The following SLC24A2 variants were observed in gnomAD, a reference collection of about 807,000 sequenced individuals.
SLC24A2 encodes the protein sodium/potassium/calcium exchanger 2.
Under a neutral mutation model 62.0 loss-of-function variants are expected in SLC24A2, and 36 were observed. The observed-to-expected ratio is 0.58, with a 90% CI of 0.44 to 0.77. The LOEUF (loss-of-function observed/expected upper bound fraction) is 0.77, where lower values mean the gene tolerates loss of function less well. SLC24A2 is among the 30% of genes least tolerant of loss of function. The pLI is 0.00. For synonymous variants in SLC24A2, 358 were observed against 294.0 expected, an observed-to-expected ratio of 1.22 and a Z score of -2.23; for missense variants, 846 against 817.9, an observed-to-expected ratio of 1.03 and a Z score of -0.42.
intron 2 of SLC24A2, among the ~76,000 whole-genome samples, chr9:19,764,754 C>G (rs574982088): frequency 1.6e-4 from 25 of 152,204 alleles, no homozygotes; most frequent in Admixed American, 4.6e-4. Context: ...CTATGTGGTG[C>G]AGAGAAGAAT....
At chr9:19,732,124 C>T (rs1412734601) in intron 2 of SLC24A2, among the ~76,000 whole-genome samples, 1 of 149,380 alleles carries the variant, frequency 6.7e-6, no homozygotes, top group Non-Finnish European at 1.5e-5. Flanking sequence ...AAAAAAAAAA[C>T]TCTTCCTGGT....
the SLC24A2 span, among the ~76,000 whole-genome samples, chr9:20,285,053 CA>C: frequency 6.6e-6 from 1 of 152,054 alleles, no homozygotes; most frequent in Admixed American, 6.6e-5. Context: ...ACCAGCAGGC[CA>C]AAATGACGCA....
At chr9:20,274,833 G>A in the SLC24A2 span, among the ~76,000 whole-genome samples, 799 of 152,026 alleles carry the variant, frequency 5.3e-3, 7 homozygotes, top group African/African-American at 0.018. Flanking sequence ...TCTCTGCACT[G>A]TGGGATGAGC....
chr9:19,541,791 G>C (rs1470748637), intron 8 of SLC24A2, among the ~76,000 whole-genome samples: 5 of 148,470 alleles, frequency 3.4e-5, no homozygotes, highest in Non-Finnish European at 7.5e-5. Flanking sequence ...AATGGCGGGC[G>C]CCCCTCCCCC....
chr9:20,207,997 A>AGT, the SLC24A2 span, among the ~76,000 whole-genome samples: 1 of 152,208 alleles, frequency 6.6e-6, no homozygotes, highest in Non-Finnish European at 1.5e-5. Flanking sequence ...CACAAACAGA[A>AGT]CCTCTGCCTT....
chr9:20,101,302 T>A, the SLC24A2 span, among the ~76,000 whole-genome samples: 3 of 152,330 alleles, frequency 2.0e-5, no homozygotes, highest in East Asian at 1.9e-4. Flanking sequence ...TTGCTGAGAA[T>A]TGGACTTACT....
At chr9:20,170,206 A>G in the SLC24A2 span, among the ~76,000 whole-genome samples, 1 of 151,988 alleles carries the variant, frequency 6.6e-6, no homozygotes, top group Non-Finnish European at 1.5e-5. Context: ...TAAACAACAA[A>G]ACCTAAATGT....
intron 2 of SLC24A2, among the ~76,000 whole-genome samples, chr9:19,682,194 C>G (rs1204444516): frequency 1.3e-5 from 2 of 152,108 alleles, no homozygotes; most frequent in Non-Finnish European, 2.9e-5. Context: ...CAATGCTCAC[C>G]TGCAGTGATG....
rs141099412 is a variant in SLC24A2, at chr9:19,752,534, C to A, written c.930+33403G>T. On this transcript the variant is annotated intron_variant, in intron 2 of 10. Coordinates refer to ENST00000341998, the MANE Select transcript of SLC24A2 (RefSeq NM_020344.4). Reference sequence around the variant, plus strand: ...AGTCACGCAATCCTGGGGAGCTGGACCCTGGCCCAGCCCCTTGGGAGCGCC... The same window carrying A: ...AGTCACGCAATCCTGGGGAGCTGGAACCTGGCCCAGCCCCTTGGGAGCGCC... Among the ~76,000 whole-genome samples the A allele has an allele frequency of 2.1e-3, 318 of 152,206 alleles. 1 individual carries two copies. The highest frequency in any genetic ancestry group is 7.1e-3 in the African/African-American group (293 of 41,536).
the SLC24A2 span, among the ~76,000 whole-genome samples, chr9:20,181,271 GC>G: frequency 2.6e-5 from 4 of 151,428 alleles, no homozygotes; most frequent in African/African-American, 9.7e-5. Context: ...AAAAAATAAA[GC>G]CTATATCATC....
chr9:19,829,804 TATATATAC>T, the SLC24A2 span, among the ~76,000 whole-genome samples: 524 of 43,424 alleles, frequency 0.012, 3 homozygotes, highest in Non-Finnish European at 0.024. Context: ...TGTGTATATA[TATATATAC>T]ACACACACAC....
At chr9:19,814,725 G>C in the SLC24A2 span, among the ~76,000 whole-genome samples, 1 of 152,272 alleles carries the variant, frequency 6.6e-6, no homozygotes, top group South Asian at 2.1e-4. Flanking sequence ...GATTGCTGCT[G>C]TGATTCTCTT....
At chr9:19,984,667 C>A in the SLC24A2 span, among the ~76,000 whole-genome samples, 1,453 of 152,322 alleles carry the variant, frequency 9.5e-3, 28 homozygotes, top group African/African-American at 0.034. Context: ...GATCATGCCA[C>A]TACATGCCAG....
the SLC24A2 span, among the ~76,000 whole-genome samples, chr9:20,161,209 T>A: frequency 6.6e-6 from 1 of 151,556 alleles, no homozygotes; most frequent in South Asian, 2.1e-4. Context: ...AGGCTTTAAA[T>A]GACAAATTTC....
chr9:20,179,838 T>C, the SLC24A2 span, among the ~76,000 whole-genome samples: 1 of 152,246 alleles, frequency 6.6e-6, no homozygotes, highest in African/African-American at 2.4e-5. Context: ...ATATTGCTTC[T>C]ATTTCTCTCT....
chr9:19,576,843 GGGTGCCC>G, intron 6 of SLC24A2, 74 bp downstream of exon 6: 1 of 996,190 alleles, frequency 1.0e-6, no homozygotes. Flanking sequence ...ACTGAGTCAG[GGGTGCCC>G]ACACTGGTCC....
the SLC24A2 span, among the ~76,000 whole-genome samples, chr9:19,893,032 C>G: frequency 6.6e-6 from 1 of 152,114 alleles, no homozygotes; most frequent in Non-Finnish European, 1.5e-5. Context: ...AAAATCCTCT[C>G]CATGGTTTCC....
the SLC24A2 span, among the ~76,000 whole-genome samples, chr9:20,206,807 T>C: frequency 1.3e-5 from 2 of 152,084 alleles, no homozygotes; most frequent in Non-Finnish European, 2.9e-5. Flanking sequence ...AATAAATCTT[T>C]TTTAAATTTC....
chr9:19,629,186 A>T (rs1351202382), intron 2 of SLC24A2, among the ~76,000 whole-genome samples: 1 of 152,202 alleles, frequency 6.6e-6, no homozygotes, highest in African/African-American at 2.4e-5. Context: ...CAGAGCTCAG[A>T]TACGAACTCA....
Sources: allele counts gnomAD v4.1 joint callset (sites outside exome capture counted in the v4.1 genomes callset), GRCh38; gene constraint gnomAD v4.1.1; transcripts MANE v1.5; gene names NCBI Gene and HGNC (gene_info 2026-07-23, HGNC 2026-07-21).